MECR: variants seen among roughly 807,000 people sequenced by gnomAD.
The protein encoded by MECR is enoyl-[acyl-carrier-protein] reductase, mitochondrial.
MECR carries 37 observed loss-of-function variants against 49.1 expected under a neutral mutation model. That is an observed-to-expected ratio of 0.75 (90% confidence interval 0.58 to 0.99). The LOEUF (loss-of-function observed/expected upper bound fraction) is 0.99. MECR is among the 50% of genes least tolerant of loss of function. The probability of loss-of-function intolerance (pLI) is 0.00; values close to 1 mark genes in which losing one functional copy is unlikely to be tolerated. For synonymous variants in MECR, 198 were observed against 191.1 expected, an observed-to-expected ratio of 1.04 and a Z score of -0.30; for missense variants, 470 against 479.6, an observed-to-expected ratio of 0.98 and a Z score of 0.19.
intron 7 of MECR, among the ~76,000 whole-genome samples, chr1:29,196,809 G>A (rs1674112807): frequency 2.6e-5 from 4 of 152,076 alleles, no homozygotes; most frequent in Admixed American, 2.0e-4. Flanking sequence ...TTTGAGACCA[G>A]CCTGGGCAAC....
chr1:29,175,970 T>C, the MECR span, among the ~76,000 whole-genome samples: 1 of 151,408 alleles, frequency 6.6e-6, no homozygotes, highest in African/African-American at 2.4e-5. Context: ...AACAAAAAGG[T>C]GGCCGGGCAT....
chr1:29,202,234 C>G (rs986716007), intron 5 of MECR, among the ~76,000 whole-genome samples, 189 bp from the exon 6 acceptor site: 1 of 152,238 alleles, frequency 6.6e-6, no homozygotes, highest in African/African-American at 2.4e-5. Flanking sequence ...TGGCTGTCTC[C>G]TCACTGGCAA....
chr1:29,201,630 G>C lies in MECR; in HGVS notation c.756+313C>G, dbSNP rs1379489528. The stretch of plus-strand genomic sequence containing the variant: ...CTTTTCTTTCTCTTTCTGTGTCTCT[G>C]TTTCCTCAGGTCCTCTCCTGCCAGT... On this transcript the variant is annotated intron_variant, in intron 6 of 9. Transcript: ENST00000263702. The surrounding 1 kb of genome is among the most constrained non-coding windows in gnomAD (Gnocchi z 4.3). 1 of 499,912 alleles carries C rather than the reference G, an allele frequency of 2.0e-6. No homozygotes were observed. Among genetic ancestry groups the C allele is most frequent in the Non-Finnish European group, 3.7e-6 (1 of 270,552 alleles). The allele number at this position is 499,912 out of a possible 1,614,324, so 31.0% of individuals were successfully genotyped here. A position where few individuals can be genotyped will look rare whatever the true frequency, so the allele number is the denominator to read the frequency against.
At chr1:29,205,287 C>T (rs913537769) in intron 4 of MECR, among the ~76,000 whole-genome samples, 4 of 151,952 alleles carry the variant, frequency 2.6e-5, no homozygotes, top group Non-Finnish European at 4.4e-5. Flanking sequence ...CGGGTTCAAG[C>T]GATTCTCCTG....
chr1:29,178,222 A>C, the MECR span, among the ~76,000 whole-genome samples: 1 of 151,958 alleles, frequency 6.6e-6, no homozygotes, highest in Non-Finnish European at 1.5e-5. Context: ...TTATGCCTTA[A>C]TTCTAAACTT....
intron 1 of MECR, among the ~76,000 whole-genome samples, chr1:29,219,140 A>G (rs1402044782): frequency 6.6e-6 from 1 of 152,228 alleles, no homozygotes; most frequent in South Asian, 2.1e-4. Flanking sequence ...ACAGGTGGGC[A>G]CTAAGCAAGG....
intron 4 of MECR, among the ~76,000 whole-genome samples, chr1:29,205,915 A>T (rs1028828883): frequency 6.6e-6 from 1 of 151,840 alleles, no homozygotes; most frequent in Non-Finnish European, 1.5e-5. Context: ...ACTCCCCTTC[A>T]TTTCTTCTTC....
the MECR span, among the ~76,000 whole-genome samples, chr1:29,179,898 T>C: frequency 6.6e-6 from 1 of 152,222 alleles, no homozygotes; most frequent in Non-Finnish European, 1.5e-5. Flanking sequence ...TATCAATACA[T>C]TTGGTTGATG....
the MECR span, among the ~76,000 whole-genome samples, chr1:29,175,354 T>C: frequency 1.0e-4 from 15 of 150,536 alleles, no homozygotes; most frequent in African/African-American, 1.5e-4. Context: ...TGAGCCACGA[T>C]TGTGCCACTG....
At chr1:29,184,662 G>A in the MECR span, among the ~76,000 whole-genome samples, 74 of 152,308 alleles carry the variant, frequency 4.9e-4, no homozygotes, top group African/African-American at 1.6e-3. Context: ...GCTGAGGCAG[G>A]AGAATTGCTT....
At chr1:29,173,130 C>CTTTTTTTT in the MECR span, 14 of 78,562 alleles carry the variant, frequency 1.8e-4, no homozygotes, top group African/African-American at 2.6e-4. Context: ...GTCAAAAAGG[C>CTTTTTTTT]TTTTTTTTTT....
chr1:29,181,762 G>C, the MECR span: 1 of 1,568,736 alleles, frequency 6.4e-7, no homozygotes. Context: ...TCCCGGCAAC[G>C]GCAGTGATGG....
chr1:29,191,831 C>T (rs942677976), downstream of MECR, among the ~76,000 whole-genome samples: 2 of 152,204 alleles, frequency 1.3e-5, no homozygotes, highest in Non-Finnish European at 2.9e-5. Context: ...TGGTGGCTTA[C>T]GCCTGTAAAC....
chr1:29,168,762 T>C, the MECR span: 1 of 152,220 alleles, frequency 6.6e-6, no homozygotes, highest in East Asian at 1.9e-4. Context: ...ATAAAGAAGA[T>C]GAAGACTTGG....
chr1:29,172,069 T>A, the MECR span: 1 of 151,464 alleles, frequency 6.6e-6, no homozygotes, highest in Admixed American at 6.6e-5. Flanking sequence ...CAGAAAAAAA[T>A]TAAATTCCCC....
At chr1:29,212,937 C>G (rs1267838867) in intron 3 of MECR, among the ~76,000 whole-genome samples, 2 of 152,166 alleles carry the variant, frequency 1.3e-5, no homozygotes, top group Non-Finnish European at 2.9e-5. Context: ...TCATCACTTA[C>G]GTTCACACAC....
At chr1:29,228,584 G>C (rs1367594297) in intron 1 of MECR, among the ~76,000 whole-genome samples, 1 of 152,070 alleles carries the variant, frequency 6.6e-6, no homozygotes, top group East Asian at 1.9e-4. Context: ...CCAAAGTGCA[G>C]GGATTACAGG....
chr1:29,178,157 C>T, the MECR span, among the ~76,000 whole-genome samples: 1 of 152,068 alleles, frequency 6.6e-6, no homozygotes, highest in Non-Finnish European at 1.5e-5. Context: ...ACCTCGGCCT[C>T]CCAAGGTGAT....
intron 1 of MECR, among the ~76,000 whole-genome samples, chr1:29,222,914 T>A (rs971941971): frequency 6.6e-6 from 1 of 152,182 alleles, no homozygotes; most frequent in Admixed American, 6.5e-5. Flanking sequence ...CTGCAGACAG[T>A]GCTAACCATG....
Sources: gnomAD v4.1 joint callset for allele counts (sites outside exome capture counted in the v4.1 genomes callset) on GRCh38, gnomAD v4.1.1 for gene constraint, Gnocchi (gnomAD v3.1) non-coding constraint, MANE v1.5 for transcripts, NCBI Gene and HGNC (gene_info 2026-07-23, HGNC 2026-07-21) for gene names.